Variants in COL6A3 observed in about 807,000 individuals in gnomAD.
The protein encoded by COL6A3 is collagen alpha-3(VI) chain.
Under a neutral mutation model 274.1 loss-of-function variants are expected in COL6A3, and 137 were observed. That is an observed-to-expected ratio of 0.50 (90% confidence interval 0.44 to 0.58). The LOEUF (loss-of-function observed/expected upper bound fraction) is 0.58. Among genes scored for constraint, COL6A3 ranks in the 20% least tolerant of loss-of-function variants. The pLI is 0.00. For synonymous variants in COL6A3, 1,650 were observed against 1,650.6 expected (o/e 1.00, Z 0.01); for missense variants, 3,950 against 4,124.9 (o/e 0.96, Z 1.16).
rs1014696496 is a variant in COL6A3 at position 237,364,861 on chromosome 2, G to A, written c.5839-433C>T. Among the ~76,000 whole-genome samples the A allele has an allele frequency of 2.6e-4, 38 of 148,438 alleles. No individual in the cohort carries two copies. In the East Asian group the frequency reaches 4.4e-3, roughly 17 times the overall value. On this transcript the variant is annotated intron_variant, in intron 12 of 43. Transcript: ENST00000295550. This position sits in a 1 kb window ranked among gnomAD's most constrained non-coding sequence, Gnocchi z 4.6. ...TGTGGGTGTACATGTGTGTGGGTGC[G>A]TATGTGTGTGCATGTGTATGGGTGC... is the stretch of plus-strand genomic sequence containing the variant.
chr2:237,333,208 T>C (rs1700354505), intron 42 of COL6A3: 5 of 578,924 alleles, frequency 8.6e-6, no homozygotes, highest in South Asian at 2.0e-5. Flanking sequence ...TGAATTCTAG[T>C]GATAGCCCCA....
chr2:237,360,286 C>A, intron 16 of COL6A3, 127 bp from the exon 17 acceptor site: 1 of 957,530 alleles, frequency 1.0e-6, no homozygotes. Context: ...CCATGGGGAA[C>A]GCCGATCGAG....
At position 237,381,308 on chromosome 2, in the gene COL6A3, G is replaced by A. The variant is rs2106370213; in HGVS notation, c.1504C>T (p.His502Tyr). 2 of 1,614,236 alleles carry A rather than the reference G, an allele frequency of 1.2e-6. No homozygotes were observed. The highest frequency in any genetic ancestry group is 1.7e-6 in the Non-Finnish European group (2 of 1,180,052). Residue 502 changes from histidine to tyrosine, a missense_variant, in exon 5 of 44, where the codon CAT (histidine) becomes TAT (tyrosine). By Grantham distance (83) the His-to-Tyr change is moderately conservative. Coordinates refer to ENST00000295550, the MANE Select transcript of COL6A3 (RefSeq NM_004369.4). ...TVRPEFYFNT[H>Y]PTKREVITAV... ...GTTATGACTTCCCTTTTTGTTGGAT[G>A]GGTATTGAAATAAAATTCAGGCCTC...
chr2:237,358,741 C>T (rs903604275), intron 20 of COL6A3, among the ~76,000 whole-genome samples, 158 bp from the exon 21 acceptor site: 2 of 152,194 alleles, frequency 1.3e-5, no homozygotes. Context: ...ATTTTTCATT[C>T]GTTTAGTAAA....
At chr2:237,359,471 C>G in intron 17 of COL6A3, 83 bp from the exon 18 acceptor site, 4 of 1,355,294 alleles carry the variant, frequency 3.0e-6, no homozygotes, top group Non-Finnish European at 4.2e-6. Flanking sequence ...GGCTGTTCCC[C>G]CACTCCACCC....
intron 32 of COL6A3, among the ~76,000 whole-genome samples, chr2:237,346,259 G>A (rs1378628194): frequency 6.6e-6 from 1 of 152,204 alleles, no homozygotes; most frequent in African/African-American, 2.4e-5. Context: ...AACTATAAAG[G>A]CAAATTACAA....
rs1371850828 is a variant in COL6A3, at chr2:237,371,859, T to C, written c.4158A>G (p.Glu1386=). The change falls in exon 9 of 44, where the codon GAA becomes GAG. Residue 1386 remains glutamate, a synonymous_variant. Transcript: ENST00000295550. This position sits in a 1 kb window ranked among gnomAD's most constrained non-coding sequence, Gnocchi z 4.3. ...EELVKISLSP[E]YVFSVSTFRE... ...GGAAGGTGCTCACCGAGAACACATA[T>C]TCGGGGCTCAGCGAGATCTTCACCA... The C allele has an allele frequency of 1.9e-6, 3 of 1,613,088 alleles. No individual in the cohort carries two copies. The highest frequency in any genetic ancestry group is 3.3e-5 in the Admixed American group (2 of 59,978).
intron 4 of COL6A3, among the ~76,000 whole-genome samples, chr2:237,386,070 A>G (rs990869531): frequency 1.1e-4 from 16 of 152,258 alleles, no homozygotes; most frequent in Non-Finnish European, 1.9e-4. Context: ...CAGATTAAGT[A>G]GAGATGCCAT....
intron 6 of COL6A3, among the ~76,000 whole-genome samples, chr2:237,378,248 A>C (rs899347062): frequency 6.6e-6 from 1 of 152,258 alleles, no homozygotes; most frequent in Non-Finnish European, 1.5e-5. Flanking sequence ...TCATGTAAAA[A>C]TACAATTTCA....
chr2:237,375,733 G>A (rs999090596), intron 7 of COL6A3, among the ~76,000 whole-genome samples: 1 of 152,180 alleles, frequency 6.6e-6, no homozygotes, highest in Non-Finnish European at 1.5e-5. Context: ...GGTAGAGACA[G>A]GGTTTCACCA....
intron 1 of COL6A3, among the ~76,000 whole-genome samples, chr2:237,405,503 A>G (rs989316510): frequency 1.3e-5 from 2 of 151,514 alleles, no homozygotes; most frequent in Non-Finnish European, 1.5e-5. Flanking sequence ...CCCCGACACC[A>G]CCCTCCCGGA....
intron 39 of COL6A3, 104 bp from the exon 40 acceptor site, chr2:237,336,636 G>T: frequency 8.3e-7 from 1 of 1,203,192 alleles, no homozygotes; most frequent in Non-Finnish European, 1.2e-6. Context: ...CAAAATGCAT[G>T]CAATAGTTTT....
chr2:237,329,346 C>T (rs1700108533), intron 42 of COL6A3: 1 of 152,254 alleles, frequency 6.6e-6, no homozygotes, highest in Non-Finnish European at 1.5e-5. Context: ...TGAGCCATCA[C>T]ACCCGGCCAA....
intron 39 of COL6A3, 145 bp from the exon 40 acceptor site, chr2:237,336,677 A>G: frequency 7.9e-6 from 6 of 760,656 alleles, no homozygotes; most frequent in Non-Finnish European, 1.3e-5. Context: ...GCATATATTA[A>G]ATTCCTTCTT....
Position 237,363,406 on chromosome 2 carries a change from G to A in COL6A3, c.5918-8C>T, listed in dbSNP as rs1253100281. On this transcript the variant is annotated splice_region_variant and splice_polypyrimidine_tract_variant and intron_variant, in intron 13 of 43. Transcript: ENST00000295550. ...GGATCAAGGCACGGACTCCTGCAAA[G>A]AAAGACACATTTAATACAGCTCACC... 5.0e-6 allele frequency: 8 copies of A among 1,614,052 alleles called. No homozygotes were observed. The African/African-American group carries it at 1.1e-4, about 22-fold the overall frequency.
At chr2:237,366,088 A>G in intron 11 of COL6A3, 53 bp from the exon 12 acceptor site, 4 of 1,522,058 alleles carry the variant, frequency 2.6e-6, no homozygotes, top group African/African-American at 1.4e-5. Flanking sequence ...GAGGAGACGA[A>G]CTCTACTTAT....
rs369608241 is a variant in COL6A3 at position 237,374,385 on chromosome 2, T to C, written c.3679+27A>G. ...AGTAGCCCCAGACAATGACACTGAG[T>C]GAGGATGCAAAGAGTTCCCTGCGTA... On this transcript the variant is annotated intron_variant, in intron 8 of 43. Transcript: ENST00000295550. This position sits in a 1 kb window ranked among gnomAD's most constrained non-coding sequence, Gnocchi z 4.8. 6.2e-7 allele frequency: 1 copy of C among 1,607,976 alleles called. No homozygotes were observed. Among genetic ancestry groups the C allele is most frequent in the East Asian group, 2.2e-5 (1 of 44,860 alleles).
rs752225290 is a variant in COL6A3 at position 237,368,860 on chromosome 2, G to T, written c.4603C>A (p.Arg1535Ser). Residue 1535 changes from arginine (R) to serine (S), a missense_variant, in exon 10 of 44, where the codon CGC (arginine) becomes AGC (serine). By Grantham distance (110) the Arg-to-Ser change is moderately radical (BLOSUM62 -1). Coordinates refer to ENST00000295550, the MANE Select transcript of COL6A3 (RefSeq NM_004369.4). The surrounding 1 kb of genome is among the most constrained non-coding windows in gnomAD (Gnocchi z 4.4). ...RNLFVKSAGS[R>S]IEDGVPQHLV... ...TGTTGGGGCACCCCGTCTTCTATGCGACTCCCCGCAGACTTAACAAAGAGG... is the reference window on the plus strand; with the variant it reads ...TGTTGGGGCACCCCGTCTTCTATGCTACTCCCCGCAGACTTAACAAAGAGG... 5 of 1,614,156 alleles carry T rather than the reference G, an allele frequency of 3.1e-6. No homozygotes were observed. Among genetic ancestry groups the T allele is most frequent in the Non-Finnish European group, 4.2e-6 (5 of 1,180,028 alleles).
chr2:237,377,405 C>T lies in COL6A3; in HGVS notation c.2498-61G>A, dbSNP rs2077878598. 6 of 1,521,622 alleles carry T rather than the reference C, an allele frequency of 3.9e-6. No homozygotes were observed. The Admixed American group carries it at 1.0e-4, about 25-fold the overall frequency. The allele number at this position is 1,521,622 out of a possible 1,614,324, so 94.3% of individuals were successfully genotyped here. A position where few individuals can be genotyped will look rare whatever the true frequency, so the allele number is the denominator to read the frequency against. On this transcript the variant is annotated intron_variant, in intron 6 of 43. Coordinates refer to ENST00000295550, the MANE Select transcript of COL6A3 (RefSeq NM_004369.4). ...GAGAGCATAACAGGAACCAAAGCGA[C>T]TTCAGCCCAGCACCATTTGACAACA...
Sources: allele counts gnomAD v4.1 joint callset (sites outside exome capture counted in the v4.1 genomes callset), GRCh38; gene constraint gnomAD v4.1.1; non-coding constraint Gnocchi (gnomAD v3.1); transcripts MANE v1.5; gene names NCBI Gene and HGNC (gene_info 2026-07-23, HGNC 2026-07-21).